MNAT1: variants seen among roughly 807,000 people sequenced by gnomAD.
MNAT1 encodes the protein MNAT1 component of CDK activating kinase, also known as CDK-activating kinase assembly factor MAT1.
MNAT1 carries 43 observed loss-of-function variants against 42.0 expected under a neutral mutation model. The observed-to-expected ratio is 1.02, with a 90% CI of 0.80 to 1.32. MNAT1 has a LOEUF of 1.32. MNAT1 is among the 40% of genes most tolerant of loss of function. The pLI is 0.00. For synonymous variants in MNAT1, 118 were observed against 120.0 expected (o/e 0.98, Z 0.11); for missense variants, 306 against 350.4 (o/e 0.87, Z 1.01).
intron 1 of MNAT1, among the ~76,000 whole-genome samples, chr14:60,738,251 G>C (rs1896365163): frequency 9.9e-6 from 1 of 101,440 alleles, no homozygotes; most frequent in South Asian, 3.6e-4. Flanking sequence ...AAAACATCTT[G>C]GATTTTTTTT....
intron 6 of MNAT1, among the ~76,000 whole-genome samples, chr14:60,846,398 T>A (rs2033684391): frequency 2.0e-5 from 3 of 151,958 alleles, no homozygotes; most frequent in East Asian, 3.9e-4. Flanking sequence ...TTTTAAAAAA[T>A]TTTTTTTGAT....
At chr14:60,914,841 C>T (rs552360624) in intron 7 of MNAT1, among the ~76,000 whole-genome samples, 1 of 152,240 alleles carries the variant, frequency 6.6e-6, no homozygotes, top group African/African-American at 2.4e-5. Flanking sequence ...AATCAAATGG[C>T]TATACTTTGG....
intron 3 of MNAT1, among the ~76,000 whole-genome samples, chr14:60,804,450 G>A (rs1250969783): frequency 1.3e-5 from 2 of 151,982 alleles, no homozygotes; most frequent in Non-Finnish European, 2.9e-5. Context: ...TGTTACCTTT[G>A]CTTCTAAATT....
intron 7 of MNAT1, among the ~76,000 whole-genome samples, chr14:60,887,553 G>A (rs2034708462): frequency 6.6e-6 from 1 of 151,684 alleles, no homozygotes; most frequent in South Asian, 2.1e-4. Flanking sequence ...TCCCTACAAA[G>A]GACATGAACT....
intron 1 of MNAT1, among the ~76,000 whole-genome samples, chr14:60,766,576 G>A (rs1566757400): frequency 6.6e-6 from 1 of 151,732 alleles, no homozygotes; most frequent in Non-Finnish European, 1.5e-5. Context: ...GCTGGGTGTG[G>A]TGGCGCATGC....
intron 7 of MNAT1, among the ~76,000 whole-genome samples, chr14:60,908,767 G>C (rs1484135624): frequency 6.6e-6 from 1 of 152,190 alleles, no homozygotes; most frequent in Non-Finnish European, 1.5e-5. Flanking sequence ...ATTGTGAATA[G>C]TGCCGCAGTA....
chr14:60,777,443 C>G (rs556041625), intron 1 of MNAT1, among the ~76,000 whole-genome samples: 31 of 151,946 alleles, frequency 2.0e-4, no homozygotes, highest in Admixed American at 6.6e-4. Flanking sequence ...CTCTCCCCCC[C>G]CAAAATTTTT....
rs536945358 is a variant in MNAT1, at chr14:60,772,647, A to G, written c.90-23570A>G. ...CTTTCCAAAAAAAAATCAAAATCAG[A>G]TATTTAGATTAGAAACTCAGGTTGC... On this transcript the variant is annotated intron_variant, in intron 1 of 7. Coordinates refer to ENST00000261245, the MANE Select transcript of MNAT1 (RefSeq NM_002431.4). Among the ~76,000 whole-genome samples the G allele has an allele frequency of 6.4e-4, 97 of 152,128 alleles. 2 individuals carry two copies. In the South Asian group the frequency reaches 0.019, roughly 30 times the overall value.
intron 1 of MNAT1, among the ~76,000 whole-genome samples, chr14:60,756,126 A>G (rs1379250774): frequency 6.6e-6 from 1 of 152,212 alleles, no homozygotes; most frequent in Admixed American, 6.5e-5. Flanking sequence ...TTGATAGCCT[A>G]TTTAATGGAC....
intron 1 of MNAT1, among the ~76,000 whole-genome samples, chr14:60,763,205 A>G (rs1035651039): frequency 6.6e-6 from 1 of 152,180 alleles, no homozygotes. Context: ...GAGATTCAAA[A>G]TGATCACACT....
intron 1 of MNAT1, among the ~76,000 whole-genome samples, chr14:60,770,919 A>C (rs1332630805): frequency 6.6e-6 from 1 of 152,060 alleles, no homozygotes; most frequent in Non-Finnish European, 1.5e-5. Context: ...ACTGTACTGC[A>C]TTTTATTTAT....
Position 60,869,196 on chromosome 14 carries a change from ATT to A in MNAT1, c.688-10503_688-10502del, listed in dbSNP as rs533524400. Among the ~76,000 whole-genome samples, 760 of 136,396 alleles carry A rather than the reference ATT, an allele frequency of 5.6e-3. 14 individuals are homozygous for A. The highest frequency in any genetic ancestry group is 0.019 in the African/African-American group (705 of 37,478). The allele number at this position is 136,396 out of a possible 152,430, so 89.5% of individuals were successfully genotyped here. On this transcript the variant is annotated intron_variant, in intron 6 of 7. Transcript: ENST00000261245. The stretch of plus-strand genomic sequence containing the variant: ...AGGCACACACTGCCATGCCCAGCTA[ATT>A]TTTTTTTTTTTTTTGGTATTTTAAT...
intron 7 of MNAT1, among the ~76,000 whole-genome samples, chr14:60,901,914 A>G (rs2035080278): frequency 6.6e-6 from 1 of 152,234 alleles, no homozygotes; most frequent in Non-Finnish European, 1.5e-5. Context: ...AATATTATAT[A>G]AACTGAGCTG....
chr14:60,812,231 A>T (rs775456587), intron 5 of MNAT1, 104 bp downstream of exon 5: 164 of 1,122,902 alleles, frequency 1.5e-4, no homozygotes, highest in Non-Finnish European at 1.9e-4. Flanking sequence ...CAGTGTTTGT[A>T]ATCTGGTTCA....
intron 6 of MNAT1, among the ~76,000 whole-genome samples, chr14:60,833,762 C>G (rs147486241): frequency 3.1e-4 from 47 of 152,252 alleles, no homozygotes; most frequent in African/African-American, 1.1e-3. Flanking sequence ...ACCAGCTCCC[C>G]TTTGTACCTC....
chr14:60,941,770 T>A (rs969787321), intron 7 of MNAT1, among the ~76,000 whole-genome samples: 1 of 150,996 alleles, frequency 6.6e-6, no homozygotes, highest in African/African-American at 2.4e-5. Context: ...TTTGGGAGGC[T>A]GAGGCGGGCG....
chr14:60,753,219 A>T (rs1195784941), intron 1 of MNAT1, among the ~76,000 whole-genome samples: 1 of 152,178 alleles, frequency 6.6e-6, no homozygotes, highest in Non-Finnish European at 1.5e-5. Flanking sequence ...GATTGCAATC[A>T]AGTTTCAGCT....
At chr14:60,836,857 G>A (rs10782442) in intron 6 of MNAT1, among the ~76,000 whole-genome samples, 144,060 of 152,240 alleles carry the variant, frequency 0.95, 68,436 homozygotes, top group Non-Finnish European at 0.99. Flanking sequence ...CTTCCCCAAG[G>A]TGCTCTGTCC....
intron 5 of MNAT1, among the ~76,000 whole-genome samples, chr14:60,817,826 A>G (rs1271457580): frequency 2.0e-5 from 3 of 151,926 alleles, no homozygotes; most frequent in Admixed American, 6.6e-5. Flanking sequence ...ATAAAAATGT[A>G]TTTGACCTTC....
Sources: gnomAD v4.1 joint callset for allele counts (sites outside exome capture counted in the v4.1 genomes callset) on GRCh38, gnomAD v4.1.1 for gene constraint, MANE v1.5 for transcripts, NCBI Gene and HGNC (gene_info 2026-07-23, HGNC 2026-07-21) for gene names.